EDA2R: variants seen among roughly 807,000 people sequenced by gnomAD.
EDA2R encodes tumor necrosis factor receptor superfamily member 27.
A neutral mutation model predicts 20.1 loss-of-function variants in EDA2R; 26 were observed. That is an observed-to-expected ratio of 1.30 (90% CI 0.95 to 1.80). The LOEUF (loss-of-function observed/expected upper bound fraction) is 1.80, where lower values mean the gene tolerates loss of function less well. EDA2R is among the 40% of genes most tolerant of loss of function. EDA2R has a pLI of 0.00. For synonymous variants in EDA2R, 114 were observed against 88.7 expected (o/e 1.29, Z -1.60); for missense variants, 277 against 228.7 (o/e 1.21, Z -1.36).
intron 5 of EDA2R, 171 bp from the exon 6 acceptor site, chrX:66,600,031 A>G: frequency 1.7e-6 from 2 of 1,158,652 alleles, no homozygotes; most frequent in Non-Finnish European, 1.2e-6. Flanking sequence ...GTTGAGAAAC[A>G]TACTTACATT....
At chrX:66,635,283 A>C (rs1161280820) in intron 1 of EDA2R, among the ~76,000 whole-genome samples, 1 of 112,344 alleles carries the variant, frequency 8.9e-6, no homozygotes, top group Non-Finnish European at 1.9e-5. Context: ...AATCCAAGAC[A>C]AAGTATAGCC....
chrX:66,629,641 C>CA (rs1933513114), intron 1 of EDA2R, among the ~76,000 whole-genome samples: 1 of 110,983 alleles, frequency 9.0e-6, no homozygotes. Flanking sequence ...ACCATGGACG[C>CA]AAAAAACCTC....
intron 1 of EDA2R, among the ~76,000 whole-genome samples, chrX:66,619,908 A>G (rs1338109228): frequency 4.5e-5 from 5 of 111,143 alleles, no homozygotes; most frequent in African/African-American, 1.6e-4. Flanking sequence ...AAATTAATAA[A>G]TTTTTACTGT....
rs1420573392 is a variant in EDA2R, at chrX:66,617,056, A to C, written c.-10-1026T>G. The stretch of plus-strand genomic sequence containing the variant: ...ATGGGGCTTATCCTACTCAAAGAGA[A>C]AGGTAGCATGAGGTTCTTTACTTAC... On this transcript the variant is annotated intron_variant, in intron 1 of 6. Coordinates refer to ENST00000374719, the MANE Select transcript of EDA2R (RefSeq NM_021783.5). Among the ~76,000 whole-genome samples, 3 of 112,105 alleles carry C rather than the reference A, an allele frequency of 2.7e-5. No homozygotes were observed. The Admixed American group carries it at 2.8e-4, about 11-fold the overall frequency.
rs1927685182 is a variant in EDA2R at position 66,597,608 on chromosome X, A to T, written c.*496T>A. On this transcript the variant is annotated 3_prime_UTR_variant, in exon 7 of 7. Transcript: ENST00000374719. ...CGAGGCCTCCCCCAAGATAGATATT[A>T]ATGTGTGTGTGTGTGTTTGTGTGTC... 1 of 110,737 alleles carries T rather than the reference A, an allele frequency of 9.0e-6. No individual in the cohort carries two copies. Among genetic ancestry groups the T allele is most frequent in the South Asian group, 3.9e-4 (1 of 2,575 alleles). 9.1% of individuals were successfully genotyped at this position (110,737 alleles called of 1,213,427 possible). A position where few individuals can be genotyped will look rare whatever the true frequency, so the allele number is the denominator to read the frequency against.
At chrX:66,616,196 T>C (rs190552480) in intron 1 of EDA2R, among the ~76,000 whole-genome samples, 166 bp from the exon 2 acceptor site, 100 of 112,698 alleles carry the variant, frequency 8.9e-4, no homozygotes, top group Admixed American at 1.9e-3. Context: ...GCTCTGACCA[T>C]GTGCCATGAG....
At chrX:66,599,430 GT>G in intron 6 of EDA2R, 43 bp downstream of exon 6, 14 of 1,041,052 alleles carry the variant, frequency 1.3e-5, no homozygotes, top group Non-Finnish European at 1.7e-5. Context: ...CTTAATTTCT[GT>G]TTTGCTTTTT....
chrX:66,617,979 T>C (rs1251090754), intron 1 of EDA2R, among the ~76,000 whole-genome samples: 4 of 109,938 alleles, frequency 3.6e-5, no homozygotes. Context: ...CTCTGCCTCC[T>C]GGGTTCAAGT....
rs1927393853 is a variant in EDA2R, at chrX:66,596,088, T to A, written c.*2016A>T. On this transcript the variant is annotated 3_prime_UTR_variant, in exon 7 of 7. Transcript: ENST00000374719. ...CCCTTCCTTACAAACAAAAACTACA[T>A]TTTTTTTTTTTGCTAGTTCATTTAG... 1 of 99,201 alleles carries A rather than the reference T, an allele frequency of 1.0e-5. No homozygotes were observed. 8.2% of individuals were successfully genotyped at this position (99,201 alleles called of 1,213,427 possible).
At chrX:66,636,215 TA>T (rs1934308261) in intron 1 of EDA2R, among the ~76,000 whole-genome samples, 1 of 111,919 alleles carries the variant, frequency 8.9e-6, no homozygotes, top group Admixed American at 9.5e-5. Context: ...AAAAATAATT[TA>T]AAAAATAATA....
At chrX:66,622,077 A>C (rs1366995137) in intron 1 of EDA2R, among the ~76,000 whole-genome samples, 1 of 111,674 alleles carries the variant, frequency 9.0e-6, no homozygotes, top group African/African-American at 3.3e-5. Flanking sequence ...AACTTATCCA[A>C]GTATGTGTTG....
intron 1 of EDA2R, among the ~76,000 whole-genome samples, chrX:66,619,676 C>T (rs989642323): frequency 2.7e-5 from 3 of 111,243 alleles, no homozygotes; most frequent in Admixed American, 1.9e-4. Flanking sequence ...TCTGCTAAAG[C>T]GCATCACCCA....
At chrX:66,606,416 T>C (rs191680) in intron 2 of EDA2R, among the ~76,000 whole-genome samples, 4 of 111,862 alleles carry the variant, frequency 3.6e-5, no homozygotes, top group African/African-American at 6.5e-5. Flanking sequence ...ATTTTCTTCA[T>C]ACATTCATTT....
rs1447475900 is a variant in EDA2R at position 66,597,293 on chromosome X, T to C, written c.*811A>G. The C allele has an allele frequency of 5.4e-5, 6 of 112,030 alleles. No individual in the cohort carries two copies. The highest frequency in any genetic ancestry group is 1.9e-4 in the Admixed American group (2 of 10,571). The allele number at this position is 112,030 out of a possible 1,213,427, so 9.2% of individuals were successfully genotyped here. A position where few individuals can be genotyped will look rare whatever the true frequency, so the allele number is the denominator to read the frequency against. On this transcript the variant is annotated 3_prime_UTR_variant, in exon 7 of 7. Coordinates refer to ENST00000374719, the MANE Select transcript of EDA2R (RefSeq NM_021783.5). The stretch of plus-strand genomic sequence containing the variant: ...CGGTGGTGAGAAAGCTGGGATTGAA[T>C]TGACATTTCAATAGAAAGAGGCATA...
rs867402879 is a variant in EDA2R, at chrX:66,599,536, C to T, written c.842G>A (p.Ser281Asn). The T allele has an allele frequency of 4.2e-6, 5 of 1,182,657 alleles. No individual in the cohort carries two copies. In the South Asian group the frequency reaches 7.5e-5, roughly 18 times the overall value. ...ATTGAGCTCCAGCCTGTCTCCAGTG[C>T]TTTCGACTGTGTTTCCCCCCAAGGT... ...AETLGGNTVESTGDRLELNVP... is the reference protein window; with the variant it reads ...AETLGGNTVENTGDRLELNVP... Residue 281 changes from serine to asparagine, a missense_variant, in exon 6 of 7, where the codon AGC becomes AAC. Coordinates refer to ENST00000374719, the MANE Select transcript of EDA2R (RefSeq NM_021783.5).
chrX:66,620,453 C>T (rs1272519745), intron 1 of EDA2R, among the ~76,000 whole-genome samples: 4 of 111,552 alleles, frequency 3.6e-5, no homozygotes, highest in Non-Finnish European at 7.5e-5. Flanking sequence ...TCACAATAGA[C>T]TAAATCCCCA....
chrX:66,625,928 C>T (rs1045988345), intron 1 of EDA2R, among the ~76,000 whole-genome samples: 1 of 111,659 alleles, frequency 9.0e-6, no homozygotes, highest in African/African-American at 3.3e-5. Context: ...ATCACTGCTG[C>T]TTGGCTCACA....
At chrX:66,613,034 T>A (rs1931051965) in intron 2 of EDA2R, among the ~76,000 whole-genome samples, 1 of 111,482 alleles carries the variant, frequency 9.0e-6, no homozygotes, top group African/African-American at 3.2e-5. Flanking sequence ...CAATAATAAT[T>A]ATTTGTTTTA....
At position 66,604,406 on chromosome X, in the gene EDA2R, G is replaced by A; in HGVS notation, c.352+15C>T. 1 of 1,198,414 alleles carries A rather than the reference G, an allele frequency of 8.3e-7. No homozygotes were observed. Among genetic ancestry groups the A allele is most frequent in the Non-Finnish European group, 1.1e-6 (1 of 887,158 alleles). On this transcript the variant is annotated intron_variant, in intron 4 of 6. Coordinates refer to ENST00000374719, the MANE Select transcript of EDA2R (RefSeq NM_021783.5). ...TGGGATGAGGAGAAAGGGAAGAAGA[G>A]AACTGGGTACACACATTGAACCTCA... is the stretch of plus-strand genomic sequence containing the variant.
Sources: gnomAD v4.1 joint callset for allele counts (sites outside exome capture counted in the v4.1 genomes callset) on GRCh38, gnomAD v4.1.1 for gene constraint, MANE v1.5 for transcripts, NCBI Gene and HGNC (gene_info 2026-07-23, HGNC 2026-07-21) for gene names.